CTNNA2: variants seen among roughly 807,000 people sequenced by gnomAD.
The protein encoded by CTNNA2 is catenin alpha 2.
In CTNNA2, 42 loss-of-function variants were observed where a neutral mutation model predicts 101.0. The ratio of observed to expected loss-of-function variants is 0.42; its 90% CI spans 0.32 to 0.54. The LOEUF (loss-of-function observed/expected upper bound fraction) is 0.54, where lower values mean the gene tolerates loss of function less well. CTNNA2 is among the 20% of genes least tolerant of loss of function. The pLI, the probability that CTNNA2 is intolerant of heterozygous loss-of-function variation, is 0.14. For synonymous variants in CTNNA2, 450 were observed against 456.4 expected (o/e 0.99, Z 0.18); for missense variants, 871 against 1,223.1 (o/e 0.71, Z 4.29).
rs1674289310 is a variant in CTNNA2 at position 80,647,960 on chromosome 2, C to T, written c.*88C>T. The T allele has an allele frequency of 2.4e-6, 3 of 1,264,782 alleles. No individual in the cohort carries two copies. The highest frequency in any genetic ancestry group is 1.5e-5 in the South Asian group (1 of 65,646). 78.3% of individuals were successfully genotyped at this position (1,264,782 alleles called of 1,614,324 possible). ...CCATTTTTGTATGCATACCTGCCAG[C>T]TCGTATGCCTCTGGCATGGGGAAAT... On this transcript the variant is annotated 3_prime_UTR_variant, in exon 19 of 19. Transcript: ENST00000402739.
chr2:79,462,867 T>A (rs929669408), intron 4 of CTNNA2, among the ~76,000 whole-genome samples: 1 of 152,142 alleles, frequency 6.6e-6, no homozygotes, highest in South Asian at 2.1e-4. Context: ...ATTTTGTCTA[T>A]GGTTGGAAAG....
At chr2:79,871,048 C>T (rs533199217) in intron 5 of CTNNA2, among the ~76,000 whole-genome samples, 70 of 152,216 alleles carry the variant, frequency 4.6e-4, no homozygotes, top group Non-Finnish European at 3.5e-4. Context: ...TTTATTCTTT[C>T]GCCATAGAAA....
Position 80,175,180 on chromosome 2 carries a change from C to T in CTNNA2, c.1057-218031C>T, listed in dbSNP as rs539207183. On this transcript the variant is annotated intron_variant, in intron 7 of 18. Transcript: ENST00000402739. The stretch of plus-strand genomic sequence containing the variant: ...ATAGGACCTTTGCGTATGCTCTTCC[C>T]TGTGCCTGGAATACTCTTCAGATCC... Among the ~76,000 whole-genome samples the T allele has an allele frequency of 8.8e-4, 134 of 152,310 alleles. 1 individual carries two copies. The highest frequency in any genetic ancestry group is 2.9e-3 in the African/African-American group (121 of 41,574).
At chr2:80,612,658 G>C (rs915028653) in intron 17 of CTNNA2, among the ~76,000 whole-genome samples, 4 of 151,244 alleles carry the variant, frequency 2.6e-5, no homozygotes, top group East Asian at 2.0e-4. Context: ...TTTTTAAAAA[G>C]TGCCAGTATT....
At chr2:79,504,623 T>C (rs1361107768) in intron 4 of CTNNA2, among the ~76,000 whole-genome samples, 1 of 152,160 alleles carries the variant, frequency 6.6e-6, no homozygotes, top group Admixed American at 6.5e-5. Context: ...AGTATCTGGA[T>C]GGACTTGTGA....
chr2:80,548,480 C>T (rs1692287484), intron 11 of CTNNA2, among the ~76,000 whole-genome samples: 2 of 152,184 alleles, frequency 1.3e-5, no homozygotes, highest in South Asian at 2.1e-4. Flanking sequence ...CCCCCGAGCC[C>T]TGCCTCTTTG....
Position 79,245,529 on chromosome 2 carries a change from A to G in CTNNA2, c.-406+47453A>G, listed in dbSNP as rs188841215. 6.5e-3 allele frequency among the ~76,000 whole-genome samples: 995 copies of G among 152,322 alleles called. 8 individuals carry two copies. Among genetic ancestry groups the G allele is most frequent in the Middle Eastern group, 0.017 (5 of 294 alleles). On this transcript the variant is annotated intron_variant, in intron 2 of 21. Coordinates refer to the CTNNA2 transcript ENST00000466387. ...AGTCTGTGAGCTCTGCACCTTCCCA[A>G]GGATGGGCCTGGACCCAGACCCTCC...
chr2:79,413,934 CATATATATATATATATAT>C (rs70940033), intron 4 of CTNNA2, among the ~76,000 whole-genome samples: 3,007 of 140,282 alleles, frequency 0.021, 129 homozygotes, highest in African/African-American at 0.071. Flanking sequence ...GAGCTGAATT[CATATATATATATATATAT>C]ATATATATAT....
intron 7 of CTNNA2, among the ~76,000 whole-genome samples, chr2:80,133,741 G>A (rs941407331): frequency 6.6e-6 from 1 of 152,062 alleles, no homozygotes; most frequent in Non-Finnish European, 1.5e-5. Flanking sequence ...TTTAAACTAC[G>A]GGTTGTTTTC....
At chr2:79,969,466 A>G (rs113133296) in intron 7 of CTNNA2, among the ~76,000 whole-genome samples, 16 of 152,374 alleles carry the variant, frequency 1.1e-4, no homozygotes, top group African/African-American at 3.4e-4. Flanking sequence ...CTGGATTTCA[A>G]TAACGCGGTT....
At chr2:79,829,432 A>T (rs1678724675) in intron 3 of CTNNA2, among the ~76,000 whole-genome samples, 1 of 145,590 alleles carries the variant, frequency 6.9e-6, no homozygotes, top group Non-Finnish European at 1.5e-5. Context: ...AAGCCGGGCG[A>T]GATGGCGGGC....
chr2:79,808,848 G>T (rs1262925818), intron 3 of CTNNA2, among the ~76,000 whole-genome samples: 1 of 151,600 alleles, frequency 6.6e-6, no homozygotes, highest in African/African-American at 2.4e-5. Flanking sequence ...GTGCAGGTTT[G>T]TTACATAGGT....
At chr2:80,330,651 A>G (rs889449552) in intron 7 of CTNNA2, among the ~76,000 whole-genome samples, 4 of 152,142 alleles carry the variant, frequency 2.6e-5, no homozygotes, top group African/African-American at 7.2e-5. Context: ...TCTGGACTCT[A>G]TGCTCTGCTG....
At chr2:79,626,606 CGTGTGTGTGTGTATGTGT>C (rs1187541645) in intron 1 of CTNNA2, among the ~76,000 whole-genome samples, 6 of 127,376 alleles carry the variant, frequency 4.7e-5, no homozygotes, top group Non-Finnish European at 9.8e-5. Context: ...TGTGTATGTG[CGTGTGTGTGTGTATGTGT>C]GTGTGTGTGT....
chr2:79,776,267 A>ATT (rs375816678), intron 3 of CTNNA2, among the ~76,000 whole-genome samples: 1 of 151,656 alleles, frequency 6.6e-6, no homozygotes, highest in South Asian at 2.1e-4. Flanking sequence ...AACTTTTGGA[A>ATT]TTTTTTTTTA....
intron 3 of CTNNA2, among the ~76,000 whole-genome samples, chr2:79,849,043 T>G (rs1202609649): frequency 6.6e-6 from 1 of 152,132 alleles, no homozygotes; most frequent in East Asian, 1.9e-4. Flanking sequence ...AAAGGGGTGC[T>G]GAATGATGCC....
At chr2:80,417,086 C>T (rs2149402960) in intron 8 of CTNNA2, among the ~76,000 whole-genome samples, 1 of 151,840 alleles carries the variant, frequency 6.6e-6, no homozygotes, top group East Asian at 1.9e-4. Flanking sequence ...ACGGGTCAGT[C>T]TTCTCAGGTA....
intron 2 of CTNNA2, among the ~76,000 whole-genome samples, chr2:79,236,125 A>G (rs1231250845): frequency 6.6e-6 from 1 of 152,186 alleles, no homozygotes; most frequent in Admixed American, 6.5e-5. Flanking sequence ...TGGAATCACT[A>G]CCAGGTGTGG....
chr2:80,158,405 C>T (rs557548278), intron 7 of CTNNA2, among the ~76,000 whole-genome samples: 12 of 152,318 alleles, frequency 7.9e-5, no homozygotes, highest in East Asian at 3.9e-4. Flanking sequence ...TCCCTCGTTT[C>T]GCACAATGGT....
Sources: gnomAD v4.1 joint callset for allele counts (sites outside exome capture counted in the v4.1 genomes callset) on GRCh38, gnomAD v4.1.1 for gene constraint, MANE v1.5 for transcripts, NCBI Gene and HGNC (gene_info 2026-07-23, HGNC 2026-07-21) for gene names.